Variants in CHL1 observed in about 807,000 individuals in gnomAD.
CHL1 encodes the protein cell adhesion molecule L1 like.
CHL1 carries 96 observed loss-of-function variants against 141.9 expected under a neutral mutation model. That is an observed-to-expected ratio of 0.68 (90% confidence interval 0.57 to 0.80). The LOEUF (loss-of-function observed/expected upper bound fraction) is 0.80. Ranked by LOEUF, CHL1 falls within the 30% of genes least tolerant of loss-of-function variation. The pLI is 0.00. For synonymous variants in CHL1, 613 were observed against 502.2 expected, an observed-to-expected ratio of 1.22 and a Z score of -2.95; for missense variants, 1,820 against 1,457.2, an observed-to-expected ratio of 1.25 and a Z score of -4.05.
chr3:198,476 C>A (rs1698610899), intron 1 of CHL1, among the ~76,000 whole-genome samples: 1 of 152,190 alleles, frequency 6.6e-6, no homozygotes, highest in African/African-American at 2.4e-5. Flanking sequence ...GCTTCGAATT[C>A]CAGCTCCACC....
At chr3:374,842 T>C (rs1438613576) in intron 15 of CHL1, among the ~76,000 whole-genome samples, 1 of 152,188 alleles carries the variant, frequency 6.6e-6, no homozygotes, top group Non-Finnish European at 1.5e-5. Context: ...TCTTACCTTC[T>C]GCTGAGACAC....
At chr3:340,386 C>T (rs1275044665) in intron 5 of CHL1, among the ~76,000 whole-genome samples, 1 of 152,110 alleles carries the variant, frequency 6.6e-6, no homozygotes, top group African/African-American at 2.4e-5. Flanking sequence ...TCAAGGCCTT[C>T]CCAATAAAGC....
chr3:273,031 G>C (rs1430044490), intron 2 of CHL1, among the ~76,000 whole-genome samples: 2 of 152,200 alleles, frequency 1.3e-5, no homozygotes, highest in Non-Finnish European at 1.5e-5. Context: ...TTCTGAAGCG[G>C]TGCCTTTGAA....
intron 3 of CHL1, among the ~76,000 whole-genome samples, chr3:320,345 T>C (rs1378888313): frequency 1.3e-5 from 2 of 152,014 alleles, no homozygotes; most frequent in Non-Finnish European, 1.5e-5. Context: ...AGTAAAAGTA[T>C]AAGATGATAT....
At chr3:223,045 A>G (rs1049455483) in intron 1 of CHL1, among the ~76,000 whole-genome samples, 2 of 152,304 alleles carry the variant, frequency 1.3e-5, no homozygotes, top group Admixed American at 6.5e-5. Flanking sequence ...ATCCAGGACA[A>G]TATCTCCCTC....
intron 2 of CHL1, among the ~76,000 whole-genome samples, chr3:263,456 T>C (rs1370668420): frequency 1.3e-5 from 2 of 152,372 alleles, no homozygotes; most frequent in Non-Finnish European, 2.9e-5. Flanking sequence ...TTATTTGTCA[T>C]GTTTTCTTTT....
At chr3:215,201 G>A (rs1700217046) in intron 1 of CHL1, among the ~76,000 whole-genome samples, 1 of 152,116 alleles carries the variant, frequency 6.6e-6, no homozygotes, top group Admixed American at 6.6e-5. Flanking sequence ...AAAATGTGGT[G>A]TATATATACA....
At chr3:214,098 T>C (rs1700111223) in intron 1 of CHL1, among the ~76,000 whole-genome samples, 1 of 152,332 alleles carries the variant, frequency 6.6e-6, no homozygotes, top group South Asian at 2.1e-4. Context: ...AAGGCAGTGA[T>C]ATCCAGTATC....
intron 15 of CHL1, among the ~76,000 whole-genome samples, chr3:372,523 G>T (rs1705769369): frequency 6.6e-6 from 1 of 152,056 alleles, no homozygotes; most frequent in Non-Finnish European, 1.5e-5. Context: ...TTTTATCAAG[G>T]TTCTTAGCTT....
chr3:235,371 T>TA (rs1048922126), intron 1 of CHL1, among the ~76,000 whole-genome samples: 12 of 150,516 alleles, frequency 8.0e-5, no homozygotes, highest in South Asian at 2.1e-4. Context: ...TGAAGGACAT[T>TA]AAAAAAAAAG....
chr3:366,237 G>A lies in CHL1; in HGVS notation c.1751+122G>A, dbSNP rs1410102243. ...TGTAATCCCAGCACTTTGGGAGACC[G>A]AGGCGAGTGGATCACTTGAGGTCAG... On this transcript the variant is annotated intron_variant, in intron 15 of 27. Transcript: ENST00000256509. 31 of 839,072 alleles carry A rather than the reference G, an allele frequency of 3.7e-5. 1 individual carries two copies. The East Asian group carries it at 4.9e-4, about 13-fold the overall frequency. The allele number at this position is 839,072 out of a possible 1,614,324, so 52.0% of individuals were successfully genotyped here.
At position 262,705 on chromosome 3, in the gene CHL1, C is replaced by G. The variant is rs79326014; in HGVS notation, c.-95+18013C>G. On this transcript the variant is annotated intron_variant, in intron 2 of 27. Coordinates refer to ENST00000256509, the MANE Select transcript of CHL1 (RefSeq NM_006614.4). ...TTTAAAGCAGGAAAGCCTTGCTCAA[C>G]TCTGGAAGAATTTTGCTGTGTGCCA... 1.2e-3 allele frequency among the ~76,000 whole-genome samples: 184 copies of G among 152,340 alleles called. 2 individuals are homozygous for G. In the East Asian group the frequency reaches 0.033, roughly 27 times the overall value.
At chr3:211,846 T>G (rs1169777451) in intron 1 of CHL1, among the ~76,000 whole-genome samples, 1 of 152,214 alleles carries the variant, frequency 6.6e-6, no homozygotes, top group African/African-American at 2.4e-5. Context: ...TATATATTAT[T>G]TAATTTGATA....
chr3:405,953 A>G lies in CHL1; in HGVS notation c.*242A>G. The G allele has an allele frequency of 2.3e-6, 1 of 427,530 alleles. No individual in the cohort carries two copies. Among genetic ancestry groups the G allele is most frequent in the South Asian group, 2.6e-5 (1 of 39,018 alleles). The allele number at this position is 427,530 out of a possible 1,614,324, so 26.5% of individuals were successfully genotyped here. ...TGCTCAAAATGCAAAACACAAAACA[A>G]ATCCTGCATTTAGATACACCTCAAC... On this transcript the variant is annotated 3_prime_UTR_variant, in exon 28 of 28. Transcript: ENST00000256509.
intron 27 of CHL1, among the ~76,000 whole-genome samples, chr3:402,674 C>T (rs907855491): frequency 2.0e-5 from 3 of 152,126 alleles, no homozygotes; most frequent in Admixed American, 1.3e-4. Flanking sequence ...TTTGGGCTTA[C>T]CTGTACCTCC....
chr3:284,620 C>G (rs1696964837), intron 2 of CHL1, among the ~76,000 whole-genome samples: 1 of 152,200 alleles, frequency 6.6e-6, no homozygotes, highest in South Asian at 2.1e-4. Context: ...GTGATAAGAA[C>G]TAGTGATTGT....
At chr3:249,416 A>T (rs539604610) in intron 2 of CHL1, among the ~76,000 whole-genome samples, 1 of 152,296 alleles carries the variant, frequency 6.6e-6, no homozygotes, top group East Asian at 1.9e-4. Context: ...AAAGGGGAAA[A>T]AAGAAGAAAC....
intron 2 of CHL1, among the ~76,000 whole-genome samples, chr3:279,008 C>T (rs943312264): frequency 4.6e-5 from 7 of 152,118 alleles, no homozygotes; most frequent in African/African-American, 1.7e-4. Flanking sequence ...ACGCTCAGAT[C>T]TTAGTATTCT....
At chr3:318,807 A>C (rs1700328937) in intron 2 of CHL1, among the ~76,000 whole-genome samples, 1 of 151,636 alleles carries the variant, frequency 6.6e-6, no homozygotes, top group East Asian at 1.9e-4. Flanking sequence ...ATTTCACCGG[A>C]AAAATCATTG....
Sources: gnomAD v4.1 joint callset for allele counts (sites outside exome capture counted in the v4.1 genomes callset) on GRCh38, gnomAD v4.1.1 for gene constraint, MANE v1.5 for transcripts, NCBI Gene and HGNC (gene_info 2026-07-23, HGNC 2026-07-21) for gene names.